The following PIWIL2 variants were observed in gnomAD, a reference collection of about 807,000 sequenced individuals.
The protein encoded by PIWIL2 is piwi-like protein 2.
In PIWIL2, 81 loss-of-function variants were observed where a neutral mutation model predicts 116.5. The observed-to-expected ratio is 0.70, with a 90% CI of 0.58 to 0.84. The LOEUF (loss-of-function observed/expected upper bound fraction) is 0.84, where lower values mean the gene tolerates loss of function less well. Ranked by LOEUF, PIWIL2 falls within the 40% of genes least tolerant of loss-of-function variation. The probability of loss-of-function intolerance (pLI) is 0.00; values close to 1 mark genes in which losing one functional copy is unlikely to be tolerated. For synonymous variants in PIWIL2, 489 were observed against 429.5 expected (o/e 1.14, Z -1.71); for missense variants, 1,272 against 1,212.3 (o/e 1.05, Z -0.73).
intron 1 of PIWIL2, among the ~76,000 whole-genome samples, chr8:22,278,744 G>A (rs144488277): frequency 5.9e-4 from 90 of 152,334 alleles, no homozygotes; most frequent in African/African-American, 2.1e-3. Context: ...ATTGACAGCT[G>A]CTCCCCATGG....
chr8:22,352,234 C>T (rs763542628), intron 20 of PIWIL2, among the ~76,000 whole-genome samples: 7 of 152,234 alleles, frequency 4.6e-5, no homozygotes, highest in Admixed American at 2.0e-4. Flanking sequence ...CGTGAGCCAC[C>T]GTGCCTGGCC....
chr8:22,302,554 G>C (rs1241672550), intron 10 of PIWIL2, among the ~76,000 whole-genome samples: 2 of 151,992 alleles, frequency 1.3e-5, no homozygotes, highest in Non-Finnish European at 2.9e-5. Flanking sequence ...GTGGCGTGCG[G>C]CTGCTGATGT....
chr8:22,283,482 CATT>C (rs1830559841), intron 5 of PIWIL2, among the ~76,000 whole-genome samples: 1 of 152,216 alleles, frequency 6.6e-6, no homozygotes, highest in Non-Finnish European at 1.5e-5. Context: ...AATCTTGGCT[CATT>C]GTAACCTCCG....
At chr8:22,275,707 G>A (rs1586521994) in intron 1 of PIWIL2, 2 of 152,652 alleles carry the variant, frequency 1.3e-5, no homozygotes, top group Admixed American at 6.5e-5. Flanking sequence ...TTGGGGAAAG[G>A]TGCTTTTCTC....
intron 20 of PIWIL2, among the ~76,000 whole-genome samples, chr8:22,351,000 G>T (rs978548918): frequency 2.0e-5 from 3 of 152,020 alleles, no homozygotes; most frequent in African/African-American, 7.2e-5. Context: ...AATTAGCCAG[G>T]CATGGTGGTG....
intron 6 of PIWIL2, among the ~76,000 whole-genome samples, chr8:22,287,285 G>T (rs1169704542): frequency 6.6e-6 from 1 of 152,214 alleles, no homozygotes; most frequent in South Asian, 2.1e-4. Context: ...ATACACTGAC[G>T]TGCTAAGGCA....
intron 10 of PIWIL2, among the ~76,000 whole-genome samples, chr8:22,303,375 T>A (rs1831097554): frequency 6.6e-6 from 1 of 152,186 alleles, no homozygotes; most frequent in Admixed American, 6.5e-5. Context: ...TATTTCAAAG[T>A]ACGAAATTTT....
At chr8:22,317,153 G>A (rs527558679) in intron 19 of PIWIL2, among the ~76,000 whole-genome samples, 233 of 152,286 alleles carry the variant, frequency 1.5e-3, no homozygotes, top group Non-Finnish European at 2.8e-3. Context: ...TCCAAGGCTG[G>A]GGCTGTGCTG....
intron 6 of PIWIL2, among the ~76,000 whole-genome samples, chr8:22,287,279 A>G (rs1258720227): frequency 6.6e-6 from 1 of 152,222 alleles, no homozygotes; most frequent in Non-Finnish European, 1.5e-5. Flanking sequence ...AAGAATATAC[A>G]CTGACGTGCT....
At chr8:22,340,272 G>T (rs929167047) in intron 20 of PIWIL2, among the ~76,000 whole-genome samples, 2 of 151,958 alleles carry the variant, frequency 1.3e-5, no homozygotes, top group Admixed American at 6.6e-5. Context: ...GGTCAGGCTG[G>T]TCTTGAACTC....
At chr8:22,278,739 C>T (rs1439998770) in intron 1 of PIWIL2, among the ~76,000 whole-genome samples, 1 of 152,222 alleles carries the variant, frequency 6.6e-6, no homozygotes, top group East Asian at 1.9e-4. Context: ...TCTGTATTGA[C>T]AGCTGCTCCC....
chr8:22,290,364 T>C lies in PIWIL2; in HGVS notation c.1181+18T>C, dbSNP rs776157427. 2.1e-6 allele frequency: 3 copies of C among 1,412,944 alleles called. No individual in the cohort carries two copies. The highest frequency in any genetic ancestry group is 3.0e-6 in the Non-Finnish European group (3 of 999,060). 87.5% of individuals were successfully genotyped at this position (1,412,944 alleles called of 1,614,324 possible). A position where few individuals can be genotyped will look rare whatever the true frequency, so the allele number is the denominator to read the frequency against. On this transcript the variant is annotated intron_variant, in intron 10 of 22. Transcript: ENST00000356766. The stretch of plus-strand genomic sequence containing the variant: ...GATGTCATGTGAGTGAATGGTGGGG[T>C]CTATCTTTAACATGCTGATGATTTT...
At chr8:22,290,418 A>G in intron 10 of PIWIL2, 72 bp downstream of exon 10, 1 of 805,856 alleles carries the variant, frequency 1.2e-6, no homozygotes. Flanking sequence ...GCTGGTAATA[A>G]CACACATTAG....
chr8:22,314,676 T>C (rs1277790056), intron 17 of PIWIL2, among the ~76,000 whole-genome samples: 2 of 152,184 alleles, frequency 1.3e-5, no homozygotes, highest in African/African-American at 4.8e-5. Flanking sequence ...GGTGGTTTCA[T>C]GTGACTGAGT....
Position 22,283,056 on chromosome 8 carries a change from G to T in PIWIL2, c.448G>T (p.Asp150Tyr). Reference sequence around the variant, plus strand: ...CAGGACGCTTGGAAGAGGGAGTTCAGATGCGTCTTTATTACCACTGGGAAG... The same window carrying T: ...CAGGACGCTTGGAAGAGGGAGTTCATATGCGTCTTTATTACCACTGGGAAG... ...WSRTLGRGSS[D>Y]ASLLPLGRAA... is the part of the protein sequence containing the mutation. The change falls in exon 5 of 23, where the codon GAT (aspartate) becomes TAT (tyrosine). Residue 150 changes from aspartate (D) to tyrosine (Y), a missense_variant. By Grantham distance (160) the Asp-to-Tyr change is radical. Coordinates refer to ENST00000356766, the MANE Select transcript of PIWIL2 (RefSeq NM_018068.5). 2 of 1,614,174 alleles carry T rather than the reference G, an allele frequency of 1.2e-6. No individual in the cohort carries two copies. Among genetic ancestry groups the T allele is most frequent in the Non-Finnish European group, 1.7e-6 (2 of 1,180,010 alleles).
At position 22,288,601 on chromosome 8, in the gene PIWIL2, G is replaced by A; in HGVS notation, c.921G>A (p.Gln307=). The change falls in exon 8 of 23, where the codon CAG becomes CAA. Residue 307 remains glutamine (Q), a synonymous_variant. Coordinates refer to ENST00000356766, the MANE Select transcript of PIWIL2 (RefSeq NM_018068.5). ...GTGCTGAAATCAGCATTAAGATTCA[G>A]ATGACAAAGATCCTGGAGCCCTGCT... ...TDSAEISIKI[Q]MTKILEPCSD... 1 of 1,613,312 alleles carries A rather than the reference G, an allele frequency of 6.2e-7. No individual in the cohort carries two copies. Among genetic ancestry groups the A allele is most frequent in the African/African-American group, 1.3e-5 (1 of 75,036 alleles).
Position 22,289,193 on chromosome 8 carries a change from G to A in PIWIL2, c.986+527G>A, listed in dbSNP as rs185032159. 1.2e-3 allele frequency among the ~76,000 whole-genome samples: 162 copies of A among 139,030 alleles called. 1 individual carries two copies. Among genetic ancestry groups the A allele is most frequent in the African/African-American group, 4.2e-3 (156 of 36,762 alleles). The allele number at this position is 139,030 out of a possible 152,430, so 91.2% of individuals were successfully genotyped here. ...TTGAGAGACGGAGTCTCGCTCTGTC[G>A]CCAGGCTGTAGTGCAGTGGCGCAAT... On this transcript the variant is annotated intron_variant, in intron 8 of 22. Coordinates refer to ENST00000356766, the MANE Select transcript of PIWIL2 (RefSeq NM_018068.5).
At chr8:22,341,535 C>T (rs753285022) in intron 20 of PIWIL2, among the ~76,000 whole-genome samples, 31 of 141,258 alleles carry the variant, frequency 2.2e-4, no homozygotes, top group East Asian at 1.3e-3. Context: ...GCGAAGGTTG[C>T]GGTGAACCAG....
At chr8:22,279,707 C>T (rs1389665047) in intron 2 of PIWIL2, 123 bp downstream of exon 2, 2 of 853,716 alleles carry the variant, frequency 2.3e-6, no homozygotes, top group East Asian at 2.6e-5. Flanking sequence ...AATCCCAGCA[C>T]TTTGGGAGGC....
Sources: allele counts gnomAD v4.1 joint callset (sites outside exome capture counted in the v4.1 genomes callset), GRCh38; gene constraint gnomAD v4.1.1; transcripts MANE v1.5; gene names NCBI Gene and HGNC (gene_info 2026-07-23, HGNC 2026-07-21).